The following RUFY1 variants were observed in gnomAD, a reference collection of about 807,000 sequenced individuals.
RUFY1 encodes RUN and FYVE domain containing 1, also known as RUN and FYVE domain-containing protein 1.
RUFY1 carries 54 observed loss-of-function variants against 94.6 expected under a neutral mutation model. That is an observed-to-expected ratio of 0.57 (90% confidence interval 0.46 to 0.72). RUFY1 has a LOEUF of 0.72. Ranked by LOEUF, RUFY1 falls within the 30% of genes least tolerant of loss-of-function variation. RUFY1 has a pLI of 0.00. For synonymous variants in RUFY1, 396 were observed against 347.3 expected (o/e 1.14, Z -1.56); for missense variants, 883 against 883.9 (o/e 1.00, Z 0.01).
chr5:179,564,914 T>C (rs1762718864), intron 3 of RUFY1, among the ~76,000 whole-genome samples: 1 of 152,086 alleles, frequency 6.6e-6, no homozygotes, highest in Non-Finnish European at 1.5e-5. Context: ...TGTGTACTGA[T>C]ATGGAAAGAT....
chr5:179,559,362 C>CA (rs1762268612), intron 1 of RUFY1, among the ~76,000 whole-genome samples: 1 of 152,186 alleles, frequency 6.6e-6, no homozygotes, highest in Admixed American at 6.5e-5. Context: ...TACCAAAAAA[C>CA]AAAGTGTGCG....
rs75778875 is a variant in RUFY1, at chr5:179,567,719, G to T, written c.704+157G>T. Among the ~76,000 whole-genome samples the T allele has an allele frequency of 5.6e-3, 856 of 151,900 alleles. 12 individuals carry two copies. Among genetic ancestry groups the T allele is most frequent in the African/African-American group, 0.019 (770 of 41,436 alleles). On this transcript the variant is annotated intron_variant, in intron 4 of 17. Coordinates refer to ENST00000319449, the MANE Select transcript of RUFY1 (RefSeq NM_025158.5). ...GTTCAAGACCAGCCTGGCCAACATGGTGTCGTATTTTTAGTAGAGACTAAA... is the reference window on the plus strand; with the variant it reads ...GTTCAAGACCAGCCTGGCCAACATGTTGTCGTATTTTTAGTAGAGACTAAA...
At chr5:179,572,364 C>T (rs904939198) in intron 5 of RUFY1, 7 of 199,312 alleles carry the variant, frequency 3.5e-5, no homozygotes, top group South Asian at 2.6e-4. Context: ...AGCTGGGCTG[C>T]GAAGTGCTGG....
At chr5:179,607,136 G>A in intron 16 of RUFY1, 1 of 194,690 alleles carries the variant, frequency 5.1e-6, no homozygotes, top group South Asian at 9.3e-5. Flanking sequence ...CTCTCCACAA[G>A]GATCAGCGTC....
intron 1 of RUFY1, among the ~76,000 whole-genome samples, chr5:179,554,707 C>G (rs946584114): frequency 6.6e-6 from 1 of 151,854 alleles, no homozygotes; most frequent in African/African-American, 2.4e-5. Flanking sequence ...GTGGCTCATG[C>G]CTGTAATCCC....
At chr5:179,571,503 GGA>G (rs1763222636) in intron 5 of RUFY1, among the ~76,000 whole-genome samples, 1 of 115,244 alleles carries the variant, frequency 8.7e-6, no homozygotes, top group African/African-American at 3.2e-5. Context: ...GACTCTGTCT[GGA>G]AAAAAAAAAA....
At chr5:179,584,774 AAAC>A (rs1308892122) in intron 7 of RUFY1, among the ~76,000 whole-genome samples, 1 of 151,716 alleles carries the variant, frequency 6.6e-6, no homozygotes, top group Non-Finnish European at 1.5e-5. Flanking sequence ...AAACAAAAAA[AAAC>A]AAAAAAAAGT....
intron 1 of RUFY1, among the ~76,000 whole-genome samples, chr5:179,559,498 G>C (rs966163065): frequency 1.3e-5 from 2 of 152,218 alleles, no homozygotes; most frequent in East Asian, 3.9e-4. Context: ...GAGAAGGCTG[G>C]AAAAGCCTTC....
At chr5:179,578,087 A>G (rs537204962) in intron 6 of RUFY1, among the ~76,000 whole-genome samples, 1 of 152,252 alleles carries the variant, frequency 6.6e-6, no homozygotes, top group Non-Finnish European at 1.5e-5. Flanking sequence ...AAGACTGTTT[A>G]ATGCCTTACA....
In RUFY1 at chr5:179,560,150, C is replaced by G. The variant is rs751472598; in HGVS notation, c.436C>G (p.Gln146Glu). Residue 146 changes from glutamine (Q) to glutamate (E), a missense_variant, in exon 2 of 18, where the codon CAG becomes GAG. Transcript: ENST00000319449. ...RSLDADHAPL[Q>E]QFFVVMEHCL... Reference sequence around the variant, plus strand: ...CCTGGATGCGGACCATGCCCCCTTGCAGCAGTTCTTTGTAGTGATGGAGCA... The same window carrying G: ...CCTGGATGCGGACCATGCCCCCTTGGAGCAGTTCTTTGTAGTGATGGAGCA... The G allele has an allele frequency of 1.7e-5, 27 of 1,613,974 alleles. No homozygotes were observed. Among genetic ancestry groups the G allele is most frequent in the Non-Finnish European group, 2.3e-5 (27 of 1,180,008 alleles).
intron 6 of RUFY1, among the ~76,000 whole-genome samples, chr5:179,580,619 G>A (rs189850973): frequency 3.8e-4 from 57 of 151,448 alleles, no homozygotes; most frequent in Non-Finnish European, 7.4e-4. Context: ...GAAAAGTCCC[G>A]TGCGCTCCTT....
At chr5:179,559,238 T>C (rs1192681392) in intron 1 of RUFY1, among the ~76,000 whole-genome samples, 2 of 152,224 alleles carry the variant, frequency 1.3e-5, no homozygotes, top group Non-Finnish European at 2.9e-5. Context: ...CCAGCACGTA[T>C]AGATATCTGA....
At chr5:179,562,690 T>C (rs761228932) in intron 3 of RUFY1, 26 bp downstream of exon 3, 9 of 1,216,704 alleles carry the variant, frequency 7.4e-6, no homozygotes, top group African/African-American at 3.0e-5. Context: ...TTCTGCCAAT[T>C]TGATGATTTT....
intron 1 of RUFY1, among the ~76,000 whole-genome samples, chr5:179,554,475 G>C (rs1762014728): frequency 6.6e-6 from 1 of 151,882 alleles, no homozygotes; most frequent in African/African-American, 2.4e-5. Flanking sequence ...GGTGGAGGTT[G>C]CTGTGAGCCA....
At position 179,593,503 on chromosome 5, in the gene RUFY1, A is replaced by G; in HGVS notation, c.1271A>G (p.Gln424Arg). Residue 424 changes from glutamine to arginine, a missense_variant, in exon 11 of 18, where the codon CAA becomes CGA. Gln to Arg is a conservative substitution (Grantham distance 43, BLOSUM62 1). Transcript: ENST00000319449. ...RLELEKELEL[Q>R]IGMKTEMEIA... is the part of the protein sequence containing the mutation. ...GAACTGGAAAAAGAACTGGAGTTAC[A>G]AATTGGAATGAAAACCGAAATGGAA... The G allele has an allele frequency of 6.2e-7, 1 of 1,605,160 alleles. No homozygotes were observed. Among genetic ancestry groups the G allele is most frequent in the Non-Finnish European group, 8.5e-7 (1 of 1,171,780 alleles).
At chr5:179,607,709 T>C in intron 17 of RUFY1, 50 bp downstream of exon 17, 1 of 1,471,026 alleles carries the variant, frequency 6.8e-7, no homozygotes, top group Non-Finnish European at 9.5e-7. Context: ...CGTTGCCCGC[T>C]GGATTCCCCT....
chr5:179,591,726 G>A lies in RUFY1; in HGVS notation c.1230G>A (p.Glu410=). Residue 410 remains glutamate (E), a synonymous_variant, in exon 10 of 18, where the codon GAG becomes GAA. Coordinates refer to ENST00000319449, the MANE Select transcript of RUFY1 (RefSeq NM_025158.5). ...YSDVWKQLKE[E]KKVRLELEKE... is the part of the protein sequence containing the mutation. ...ATGTGTGGAAGCAGCTAAAAGAGGAGAAGAAAGTCCGGTTGGTGAGTGTGC... is the reference window on the plus strand; with the variant it reads ...ATGTGTGGAAGCAGCTAAAAGAGGAAAAGAAAGTCCGGTTGGTGAGTGTGC... 2 of 1,605,950 alleles carry A rather than the reference G, an allele frequency of 1.2e-6. No homozygotes were observed. Among genetic ancestry groups the A allele is most frequent in the Non-Finnish European group, 1.7e-6 (2 of 1,176,026 alleles).
At chr5:179,604,167 G>A (rs546134218) in intron 15 of RUFY1, among the ~76,000 whole-genome samples, 26 of 152,296 alleles carry the variant, frequency 1.7e-4, no homozygotes, top group Admixed American at 5.9e-4. Flanking sequence ...CCCTCCCAGT[G>A]AGTGCTGTGG....
intron 7 of RUFY1, among the ~76,000 whole-genome samples, chr5:179,584,463 G>C (rs1355607408): frequency 1.3e-5 from 2 of 152,198 alleles, no homozygotes; most frequent in African/African-American, 4.8e-5. Flanking sequence ...TTGTGGGGAA[G>C]ATTAAATGAG....
Sources: gnomAD v4.1 joint callset for allele counts (sites outside exome capture counted in the v4.1 genomes callset) on GRCh38, gnomAD v4.1.1 for gene constraint, MANE v1.5 for transcripts, NCBI Gene and HGNC (gene_info 2026-07-23, HGNC 2026-07-21) for gene names.